PLPP4: variants seen among roughly 807,000 people sequenced by gnomAD.
The protein encoded by PLPP4 is diacylglycerol pyrophosphate like 2.
A neutral mutation model predicts 32.2 loss-of-function variants in PLPP4; 20 were observed. That is an observed-to-expected ratio of 0.62 (90% CI 0.44 to 0.90). PLPP4 has a LOEUF of 0.90. PLPP4 is among the 40% of genes least tolerant of loss of function. PLPP4 has a pLI of 0.00. For synonymous variants in PLPP4, 127 were observed against 133.0 expected (o/e 0.95, Z 0.31); for missense variants, 257 against 353.1 (o/e 0.73, Z 2.18).
At chr10:120,531,492 A>G (rs1846719925) in intron 5 of PLPP4, among the ~76,000 whole-genome samples, 1 of 152,044 alleles carries the variant, frequency 6.6e-6, no homozygotes, top group Non-Finnish European at 1.5e-5. Flanking sequence ...TTTTATGGCT[A>G]TTGCACTCTG....
intron 1 of PLPP4, among the ~76,000 whole-genome samples, chr10:120,476,580 C>T (rs1331365760): frequency 1.3e-5 from 2 of 152,176 alleles, no homozygotes; most frequent in African/African-American, 4.8e-5. Context: ...TACTTTGTCC[C>T]CAGCTTCCCA....
At chr10:120,549,867 T>C (rs1190690796) in intron 5 of PLPP4, among the ~76,000 whole-genome samples, 1 of 152,010 alleles carries the variant, frequency 6.6e-6, no homozygotes, top group Non-Finnish European at 1.5e-5. Flanking sequence ...ATGAAAAGCT[T>C]GATGCTAACT....
intron 5 of PLPP4, among the ~76,000 whole-genome samples, chr10:120,534,256 G>A (rs544825732): frequency 1.2e-4 from 18 of 150,214 alleles, no homozygotes; most frequent in Non-Finnish European, 2.2e-4. Context: ...TTTTTTCCTT[G>A]AGTCTATTGT....
chr10:120,588,301 C>A (rs1390400115), intron 6 of PLPP4, among the ~76,000 whole-genome samples: 1 of 152,216 alleles, frequency 6.6e-6, no homozygotes, highest in Admixed American at 6.5e-5. Flanking sequence ...TGAATGTTCT[C>A]TTTGGCAGGG....
chr10:120,579,074 C>A (rs1359276287), intron 6 of PLPP4, among the ~76,000 whole-genome samples: 1 of 152,192 alleles, frequency 6.6e-6, no homozygotes, highest in Non-Finnish European at 1.5e-5. Flanking sequence ...TGGAGGGTTA[C>A]AACTACTAGT....
chr10:120,541,298 C>T (rs1418141558), intron 5 of PLPP4, among the ~76,000 whole-genome samples: 1 of 152,114 alleles, frequency 6.6e-6, no homozygotes, highest in Non-Finnish European at 1.5e-5. Flanking sequence ...AGTTTCAGTC[C>T]TTACCTTTCA....
intron 1 of PLPP4, among the ~76,000 whole-genome samples, chr10:120,476,576 G>A (rs772322978): frequency 2.6e-5 from 4 of 152,094 alleles, no homozygotes; most frequent in Non-Finnish European, 5.9e-5. Flanking sequence ...GTGATACTTT[G>A]TCCCCAGCTT....
chr10:120,489,173 T>C (rs1844595273), intron 1 of PLPP4, among the ~76,000 whole-genome samples: 1 of 152,210 alleles, frequency 6.6e-6, no homozygotes, highest in Non-Finnish European at 1.5e-5. Context: ...AGGGCTGATA[T>C]AGCTCCATCA....
At chr10:120,578,777 C>T (rs768256974) in intron 6 of PLPP4, among the ~76,000 whole-genome samples, 23 of 152,174 alleles carry the variant, frequency 1.5e-4, no homozygotes, top group Non-Finnish European at 2.1e-4. Flanking sequence ...GACACAAAAC[C>T]GGTGGGATCA....
At chr10:120,515,337 T>C (rs771501199) in intron 3 of PLPP4, among the ~76,000 whole-genome samples, 27 of 152,228 alleles carry the variant, frequency 1.8e-4, no homozygotes, top group Non-Finnish European at 3.2e-4. Flanking sequence ...ACTCCCAGCC[T>C]GATTCTTCTG....
At chr10:120,586,795 C>T (rs888849394) in intron 6 of PLPP4, among the ~76,000 whole-genome samples, 3 of 152,236 alleles carry the variant, frequency 2.0e-5, no homozygotes, top group South Asian at 2.1e-4. Context: ...TGTCATTGTT[C>T]GCCACTCTAA....
intron 2 of PLPP4, among the ~76,000 whole-genome samples, chr10:120,506,990 T>C (rs533875033): frequency 6.6e-6 from 1 of 152,230 alleles, no homozygotes; most frequent in Non-Finnish European, 1.5e-5. Context: ...TGGAAGGCTG[T>C]TTCCTCATTC....
intron 1 of PLPP4, among the ~76,000 whole-genome samples, chr10:120,487,391 T>A (rs940517799): frequency 6.6e-6 from 1 of 152,228 alleles, no homozygotes; most frequent in African/African-American, 2.4e-5. Flanking sequence ...TAAAGCGGGA[T>A]CGTTCTGATT....
intron 2 of PLPP4, among the ~76,000 whole-genome samples, chr10:120,505,916 A>C (rs1845467907): frequency 6.6e-6 from 1 of 152,206 alleles, no homozygotes; most frequent in Non-Finnish European, 1.5e-5. Flanking sequence ...TTTACATTTC[A>C]TGTGTTGTAA....
intron 1 of PLPP4, chr10:120,503,579 A>G: frequency 1.9e-6 from 3 of 1,609,538 alleles, no homozygotes; most frequent in Non-Finnish European, 2.5e-6. Flanking sequence ...CTACTCCCTT[A>G]TGCATGGAAT....
At chr10:120,557,928 T>A (rs889154785) in intron 5 of PLPP4, among the ~76,000 whole-genome samples, 1 of 152,164 alleles carries the variant, frequency 6.6e-6, no homozygotes, top group Non-Finnish European at 1.5e-5. Context: ...CATACCACAG[T>A]TGTTTAACAG....
Position 120,552,922 on chromosome 10 carries a change from G to A in PLPP4, c.446-22209G>A, listed in dbSNP as rs78407293. On this transcript the variant is annotated intron_variant, in intron 5 of 6. Transcript: ENST00000398250. Reference sequence around the variant, plus strand: ...GAGGATCCAAGAAAGCTGAGACTCTGCTGCTGACTGACACACCATAGGTAG... The same window carrying A: ...GAGGATCCAAGAAAGCTGAGACTCTACTGCTGACTGACACACCATAGGTAG... Among the ~76,000 whole-genome samples the A allele has an allele frequency of 8.6e-3, 1,308 of 152,328 alleles. 25 individuals carry two copies. Among genetic ancestry groups the A allele is most frequent in the African/African-American group, 0.03 (1,258 of 41,576 alleles).
chr10:120,521,158 G>A (rs1846139154), intron 5 of PLPP4, 63 bp downstream of exon 5: 1 of 1,584,326 alleles, frequency 6.3e-7, no homozygotes, highest in East Asian at 2.2e-5. Flanking sequence ...CTGTCTTTGG[G>A]AATTTAGGTG....
chr10:120,573,212 A>T (rs537426447), intron 5 of PLPP4, among the ~76,000 whole-genome samples: 1 of 152,238 alleles, frequency 6.6e-6, no homozygotes, highest in African/African-American at 2.4e-5. Context: ...AAGTGTTTCA[A>T]TGCACACACC....
Sources: gnomAD v4.1 joint callset for allele counts (sites outside exome capture counted in the v4.1 genomes callset) on GRCh38, gnomAD v4.1.1 for gene constraint, MANE v1.5 for transcripts, NCBI Gene and HGNC (gene_info 2026-07-23, HGNC 2026-07-21) for gene names.